Variants in RYR2 observed in about 807,000 individuals in gnomAD.
RYR2 encodes ryanodine receptor 2.
Under a neutral mutation model 601.1 loss-of-function variants are expected in RYR2, and 227 were observed. The ratio of observed to expected loss-of-function variants is 0.38; its 90% CI spans 0.34 to 0.42. The LOEUF (loss-of-function observed/expected upper bound fraction) is 0.42, where lower values mean the gene tolerates loss of function less well. RYR2 is among the 10% of genes least tolerant of loss of function. RYR2 has a pLI of 1.00. For missense variants in RYR2, 4,646 were observed against 6,156.5 expected, an observed-to-expected ratio of 0.75 and a Z score of 8.21; for synonymous variants, 2,223 against 2,175.1, an observed-to-expected ratio of 1.02 and a Z score of -0.61.
intron 80 of RYR2, among the ~76,000 whole-genome samples, chr1:237,746,951 G>A: frequency 6.6e-6 from 1 of 151,908 alleles, no homozygotes; most frequent in Non-Finnish European, 1.5e-5. Flanking sequence ...CTTTGATACT[G>A]CAGTAGAACA....
chr1:237,724,709 C>A (rs1435421493), intron 74 of RYR2, among the ~76,000 whole-genome samples: 1 of 151,176 alleles, frequency 6.6e-6, no homozygotes, highest in Non-Finnish European at 1.5e-5. Context: ...AGTTTTATCT[C>A]CAGAATTATA....
At chr1:237,722,803 A>G (rs1456908694) in intron 73 of RYR2, among the ~76,000 whole-genome samples, 1 of 152,184 alleles carries the variant, frequency 6.6e-6, no homozygotes, top group Non-Finnish European at 1.5e-5. Context: ...ACATAAGCAT[A>G]GTCACATGAT....
intron 1 of RYR2, among the ~76,000 whole-genome samples, chr1:237,270,016 A>G (rs1231395872): frequency 6.6e-6 from 1 of 152,222 alleles, no homozygotes. Flanking sequence ...TTTTACCATC[A>G]CTTTGAAGTG....
At position 237,549,532 on chromosome 1, in the gene RYR2, AAAC is replaced by A. The variant is rs1019107163; in HGVS notation, c.3066+951_3066+953del. Among the ~76,000 whole-genome samples the A allele has an allele frequency of 5.7e-4, 87 of 151,800 alleles. 1 individual carries two copies. Among genetic ancestry groups the A allele is most frequent in the African/African-American group, 1.9e-3 (80 of 41,206 alleles). On this transcript the variant is annotated intron_variant, in intron 26 of 104. Transcript: ENST00000366574. The stretch of plus-strand genomic sequence containing the variant: ...GAGGCTGCAGTGAGACTCTGTTTCA[AAAC>A]AACAACAAAAACAACAAAACAACAA...
At chr1:237,330,761 C>A (rs539177950) in intron 2 of RYR2, 117 bp from the exon 3 acceptor site, 1 of 743,960 alleles carries the variant, frequency 1.3e-6, no homozygotes, top group East Asian at 2.6e-5. Flanking sequence ...GGGGAACTTG[C>A]AGTAGAAAGT....
In RYR2 at chr1:237,042,401, A is replaced by T; in HGVS notation, c.-121A>T. 2 of 983,256 alleles carry T rather than the reference A, an allele frequency of 2.0e-6. No individual in the cohort carries two copies. Among genetic ancestry groups the T allele is most frequent in the South Asian group, 5.0e-5 (1 of 19,876 alleles). The allele number at this position is 983,256 out of a possible 1,614,324, so 60.9% of individuals were successfully genotyped here. ...GACCGCCCGGCGCTCGGCACCCGGC[A>T]GCGCGGCCCCCTCCAGCCCCCGGCT... On this transcript the variant is annotated 5_prime_UTR_variant, in exon 1 of 105. Transcript: ENST00000366574.
intron 52 of RYR2, 120 bp downstream of exon 52, chr1:237,654,534 ATT>A: frequency 1.1e-6 from 1 of 937,152 alleles, no homozygotes; most frequent in East Asian, 2.7e-5. Flanking sequence ...GTATGGCTTG[ATT>A]TTTTCTCTTT....
chr1:237,731,814 G>A (rs142792675), intron 77 of RYR2, among the ~76,000 whole-genome samples: 193 of 150,198 alleles, frequency 1.3e-3, no homozygotes, highest in African/African-American at 4.6e-3. Flanking sequence ...ACACTTACAT[G>A]CAACACATAT....
At chr1:237,547,814 C>T (rs1047320370) in intron 25 of RYR2, among the ~76,000 whole-genome samples, 2 of 152,162 alleles carry the variant, frequency 1.3e-5, no homozygotes, top group Non-Finnish European at 2.9e-5. Flanking sequence ...GCTAAGAGAT[C>T]CTTGAACTCT....
chr1:237,302,954 G>A (rs1328895004), intron 2 of RYR2, among the ~76,000 whole-genome samples: 4 of 152,018 alleles, frequency 2.6e-5, no homozygotes, highest in African/African-American at 7.3e-5. Context: ...GTGTTTCTAC[G>A]CATCCATTTG....
In RYR2 at chr1:237,496,666, A is replaced by G. The variant is rs1664107169; in HGVS notation, c.2117A>G (p.Tyr706Cys). The G allele has an allele frequency of 3.1e-6, 5 of 1,613,850 alleles. No homozygotes were observed. Among genetic ancestry groups the G allele is most frequent in the Non-Finnish European group, 4.2e-6 (5 of 1,179,844 alleles). The change falls in exon 20 of 105, where the codon TAC (tyrosine) becomes TGC (cysteine). Residue 706 changes from tyrosine (Y) to cysteine (C), a missense_variant. Transcript: ENST00000366574. The stretch of plus-strand genomic sequence containing the variant: ...GCTTCCACTGAAGGATATTCTCCCT[A>G]CCCTGGAGGGGGCGAAGAGTGGGGT... ...GWASTEGYSP[Y>C]PGGGEEWGGN...
chr1:237,765,235 C>T (rs1420653866), intron 84 of RYR2, among the ~76,000 whole-genome samples: 1 of 152,076 alleles, frequency 6.6e-6, no homozygotes, highest in African/African-American at 2.4e-5. Flanking sequence ...GAACCATTAA[C>T]CCCATTACCA....
chr1:237,602,067 G>T lies in RYR2; in HGVS notation c.4639G>T (p.Ala1547Ser). The change falls in exon 35 of 105, where the codon GCT becomes TCT. Residue 1547 changes from alanine (A) to serine (S), a missense_variant. Around this residue, in one of 17 missense-constraint regions of RYR2, gnomAD observed 1,807 missense variants for 2,088.1 expected, o/e 0.87. Transcript: ENST00000366574. ...ATTATTTCCTGCGGTTTTTGCACAA[G>T]CTACAAGTCCCAATGTTTTCCAGTT... Reference protein sequence around the residue: ...TKLFPAVFAQATSPNVFQFEL... With the variant: ...TKLFPAVFAQSTSPNVFQFEL... 6.2e-7 allele frequency: 1 copy of T among 1,613,070 alleles called. No homozygotes were observed. The highest frequency in any genetic ancestry group is 8.5e-7 in the Non-Finnish European group (1 of 1,179,412).
chr1:237,698,965 G>T lies in RYR2; in HGVS notation c.9068G>T (p.Gly3023Val), dbSNP rs1687729156. 6.5e-7 allele frequency: 1 copy of T among 1,536,084 alleles called. No individual in the cohort carries two copies. Among genetic ancestry groups the T allele is most frequent in the Non-Finnish European group, 8.8e-7 (1 of 1,131,462 alleles). ...ATACAGCATTTTGTTTCCTCTTTAG[G>T]CAATGATGCAACATCAATTGTCAAC... The part of the protein sequence containing the change: ...VLVRHRISLF[G>V]NDATSIVNCL... Residue 3023 changes from glycine (G) to valine (V), a missense_variant and splice_region_variant, in exon 64 of 105, where the codon GGC becomes GTC. Around this residue, in one of 17 missense-constraint regions of RYR2, gnomAD observed 1,497 missense variants for 1,842.6 expected, o/e 0.81. Coordinates refer to ENST00000366574, the MANE Select transcript of RYR2 (RefSeq NM_001035.3).
intron 27 of RYR2, among the ~76,000 whole-genome samples, chr1:237,557,628 A>G (rs1000679013): frequency 3.9e-5 from 6 of 152,058 alleles, no homozygotes; most frequent in Admixed American, 6.6e-5. Context: ...GAATGTAAAC[A>G]AAACTGGAGA....
intron 3 of RYR2, among the ~76,000 whole-genome samples, chr1:237,340,466 G>T (rs1697668684): frequency 6.6e-6 from 1 of 152,138 alleles, no homozygotes; most frequent in South Asian, 2.1e-4. Flanking sequence ...GCAGAGAAGA[G>T]ATCTAATTAC....
At chr1:237,357,190 C>T (rs529347829) in intron 4 of RYR2, among the ~76,000 whole-genome samples, 20 of 151,932 alleles carry the variant, frequency 1.3e-4, no homozygotes, top group African/African-American at 1.7e-4. Context: ...TCTTTATAAC[C>T]GAACTACTAC....
At chr1:237,138,707 A>G (rs182922214) in intron 1 of RYR2, among the ~76,000 whole-genome samples, 122 of 152,358 alleles carry the variant, frequency 8.0e-4, no homozygotes, top group African/African-American at 2.2e-3. Context: ...GCATGTAAAC[A>G]TTTGGAATCT....
At chr1:237,176,089 A>C (rs1678011768) in intron 1 of RYR2, among the ~76,000 whole-genome samples, 2 of 151,852 alleles carry the variant, frequency 1.3e-5, no homozygotes, top group African/African-American at 4.8e-5. Flanking sequence ...TTAGCCAGGC[A>C]CGGTGGTGTG....
Sources: gnomAD v4.1 joint callset for allele counts (sites outside exome capture counted in the v4.1 genomes callset) on GRCh38, gnomAD v4.1.1 for gene constraint, gnomAD v4.1.1 regional missense constraint, MANE v1.5 for transcripts, NCBI Gene and HGNC (gene_info 2026-07-23, HGNC 2026-07-21) for gene names.